LRP2: variants seen among roughly 807,000 people sequenced by gnomAD.
The protein encoded by LRP2 is low-density lipoprotein receptor-related protein 2.
LRP2 carries 172 observed loss-of-function variants against 531.0 expected under a neutral mutation model. The ratio of observed to expected loss-of-function variants is 0.32; its 90% confidence interval spans 0.29 to 0.37. The LOEUF is 0.37. LRP2 is among the 10% of genes least tolerant of loss of function. The pLI, the probability that LRP2 is intolerant of heterozygous loss-of-function variation, is 1.00. For missense variants in LRP2, 5,167 were observed against 5,868.3 expected, an observed-to-expected ratio of 0.88 and a Z score of 3.90; for synonymous variants, 1,992 against 2,027.6, an observed-to-expected ratio of 0.98 and a Z score of 0.47.
At position 169,291,024 on chromosome 2, in the gene LRP2, A is replaced by G; in HGVS notation, c.770-27T>C. The G allele has an allele frequency of 1.9e-6, 3 of 1,611,970 alleles. No homozygotes were observed. In the South Asian group the frequency reaches 3.3e-5, roughly 18 times the overall value. Reference sequence around the variant, plus strand: ...TGTGGGGGGAAAAAGAGAGAGTTACAGGCCATAGGGGAGGTACAGCCAGCT... The same window carrying G: ...TGTGGGGGGAAAAAGAGAGAGTTACGGGCCATAGGGGAGGTACAGCCAGCT... On this transcript the variant is annotated intron_variant, in intron 7 of 78. Transcript: ENST00000649046.
intron 16 of LRP2, among the ~76,000 whole-genome samples, chr2:169,268,749 C>A (rs1317222800): frequency 6.6e-6 from 1 of 152,088 alleles, no homozygotes; most frequent in Non-Finnish European, 1.5e-5. Flanking sequence ...GAAGTTCTGG[C>A]CAGGGCAATT....
chr2:169,360,921 ACCATTTGAATACATG>A (rs1441753256), intron 1 of LRP2, among the ~76,000 whole-genome samples: 1 of 152,084 alleles, frequency 6.6e-6, no homozygotes, highest in Non-Finnish European at 1.5e-5. Context: ...AAGCAGATTA[ACCATTTGAATACATG>A]CCACGGCCCA....
At chr2:169,212,325 G>A (rs1688623755) in intron 36 of LRP2, 118 bp from the exon 37 acceptor site, 14 of 1,295,130 alleles carry the variant, frequency 1.1e-5, no homozygotes, top group Middle Eastern at 4.5e-4. Context: ...CCAACATATA[G>A]TAGCTGAGTT....
At chr2:169,247,906 C>A (rs1027274625) in intron 19 of LRP2, among the ~76,000 whole-genome samples, 1 of 152,318 alleles carries the variant, frequency 6.6e-6, no homozygotes, top group Non-Finnish European at 1.5e-5. Context: ...GCAAATACTA[C>A]GCTGTGTGAA....
chr2:169,192,122 G>T, intron 47 of LRP2, 89 bp from the exon 48 acceptor site: 1 of 966,230 alleles, frequency 1.0e-6, no homozygotes, highest in Non-Finnish European at 1.5e-6. Flanking sequence ...ACCATTCTAA[G>T]TATGAAAGGA....
At chr2:169,322,794 T>A (rs1348343270) in intron 1 of LRP2, among the ~76,000 whole-genome samples, 4 of 152,110 alleles carry the variant, frequency 2.6e-5, no homozygotes, top group African/African-American at 9.7e-5. Flanking sequence ...ATAACAATCA[T>A]AAAGAACAGT....
At chr2:169,269,407 T>C (rs1017151119) in intron 16 of LRP2, among the ~76,000 whole-genome samples, 3 of 152,094 alleles carry the variant, frequency 2.0e-5, no homozygotes, top group Admixed American at 6.6e-5. Context: ...AAAACAGAGA[T>C]ATAGACCAAT....
In LRP2 at chr2:169,219,771, A is replaced by G. The variant is rs561545846; in HGVS notation, c.5648+683T>C. On this transcript the variant is annotated intron_variant, in intron 34 of 78. Transcript: ENST00000649046. ...CTATCTGGGTACAATATACCCATGT[A>G]ACAAACCTGCACATGTGCCCCCTAT... is the stretch of plus-strand genomic sequence containing the variant. 1.2e-4 allele frequency among the ~76,000 whole-genome samples: 18 copies of G among 152,250 alleles called. No homozygotes were observed. In the South Asian group the frequency reaches 3.7e-3, roughly 32 times the overall value.
chr2:169,296,853 G>A (rs1684146556), intron 4 of LRP2, among the ~76,000 whole-genome samples: 1 of 152,068 alleles, frequency 6.6e-6, no homozygotes, highest in Non-Finnish European at 1.5e-5. Flanking sequence ...CAAACAAGAA[G>A]CCCAGCTTGA....
rs778000797 is a variant in LRP2 at position 169,193,747 on chromosome 2, T to C, written c.8830+14A>G. The C allele has an allele frequency of 6.8e-6, 11 of 1,614,154 alleles. No individual in the cohort carries two copies. Among genetic ancestry groups the C allele is most frequent in the South Asian group, 4.4e-5 (4 of 91,078 alleles). The stretch of plus-strand genomic sequence containing the variant: ...GAATGTGACTCTGCAGAGGAATTAA[T>C]TGGCTTCACTTACGACACTGGTGCC... On this transcript the variant is annotated intron_variant, in intron 47 of 78. Transcript: ENST00000649046.
rs1400072611 is a variant in LRP2 at position 169,298,506 on chromosome 2, G to C, written c.428-3796C>G. Among the ~76,000 whole-genome samples, 3 of 152,086 alleles carry C rather than the reference G, an allele frequency of 2.0e-5. No individual in the cohort carries two copies. The East Asian group carries it at 5.8e-4, about 29-fold the overall frequency. ...ACATCTACCACTTATAGGCTGCAGA[G>C]TAAGTAACAGGAAGAAGCGAAAAAT... is the stretch of plus-strand genomic sequence containing the variant. On this transcript the variant is annotated intron_variant, in intron 4 of 78. Coordinates refer to ENST00000649046, the MANE Select transcript of LRP2 (RefSeq NM_004525.3).
Position 169,176,664 on chromosome 2 carries a change from T to A in LRP2, c.10394-76A>T, listed in dbSNP as rs1574099699. 19 of 1,330,626 alleles carry A rather than the reference T, an allele frequency of 1.4e-5. No homozygotes were observed. The East Asian group carries it at 4.4e-4, about 31-fold the overall frequency. 82.4% of individuals were successfully genotyped at this position (1,330,626 alleles called of 1,614,324 possible). ...AGCACAGATTAGCTGATTACACATC[T>A]TGACTTTAAACTCATCACCTCTTAG... On this transcript the variant is annotated intron_variant, in intron 53 of 78. Transcript: ENST00000649046.
rs200635534 is a variant in LRP2, at chr2:169,181,622, T to A, written c.9999-4A>T. 30 of 1,613,926 alleles carry A rather than the reference T, an allele frequency of 1.9e-5. No homozygotes were observed. The highest frequency in any genetic ancestry group is 2.5e-5 in the Non-Finnish European group (29 of 1,179,982). On this transcript the variant is annotated splice_polypyrimidine_tract_variant and splice_region_variant and intron_variant, in intron 51 of 78. Coordinates refer to ENST00000649046, the MANE Select transcript of LRP2 (RefSeq NM_004525.3). Reference sequence around the variant, plus strand: ...CCAGTCTGCCCAGTAGAGGTACCTGTCAGGGCAAACACAAAGGGTCAGTCC... The same window carrying A: ...CCAGTCTGCCCAGTAGAGGTACCTGACAGGGCAAACACAAAGGGTCAGTCC...
intron 4 of LRP2, among the ~76,000 whole-genome samples, chr2:169,300,824 C>T (rs1024496495): frequency 1.3e-5 from 2 of 151,960 alleles, no homozygotes; most frequent in African/African-American, 4.8e-5. Flanking sequence ...GGGCAAGGCT[C>T]GCTGGGCAGC....
Position 169,174,013 on chromosome 2 carries a change from A to T in LRP2, c.10920T>A (p.Phe3640Leu). 1.2e-6 allele frequency: 2 copies of T among 1,614,216 alleles called. No individual in the cohort carries two copies. ...CASRTCRPGQFRCANGRCIPQ... is the reference protein window; with the variant it reads ...CASRTCRPGQLRCANGRCIPQ... ...GGATGCAGCGGCCATTAGCACACCG[A>T]AACTGGCCCGGCCGGCAGGTCCTGC... The change falls in exon 56 of 79, where the codon TTT (phenylalanine) becomes TTA (leucine). Residue 3640 changes from phenylalanine (F) to leucine (L), a missense_variant. By Grantham distance (22) the Phe-to-Leu change is conservative. Transcript: ENST00000649046.
Position 169,238,248 on chromosome 2 carries a change from C to G in LRP2, c.4349G>C (p.Ser1450Thr). Residue 1450 changes from serine to threonine, a missense_variant, in exon 27 of 79, where the codon AGT (serine) becomes ACT (threonine). Coordinates refer to ENST00000649046, the MANE Select transcript of LRP2 (RefSeq NM_004525.3). ...VASQNKIIAD[S>T]VTSQVHNIYS... ...GATATTGTGGACCTGGGAGGTGACACTGTCGGCAATAATTTTGTTCTGACT... is the reference window on the plus strand; with the variant it reads ...GATATTGTGGACCTGGGAGGTGACAGTGTCGGCAATAATTTTGTTCTGACT... The G allele has an allele frequency of 6.2e-7, 1 of 1,614,178 alleles. No homozygotes were observed. The highest frequency in any genetic ancestry group is 1.1e-5 in the South Asian group (1 of 91,080).
chr2:169,173,725 A>G (rs564322732), intron 56 of LRP2, among the ~76,000 whole-genome samples, 194 bp downstream of exon 56: 1 of 152,374 alleles, frequency 6.6e-6, no homozygotes, highest in African/African-American at 2.4e-5. Context: ...TAGCCACTTC[A>G]GAAACAGAGT....
chr2:169,299,355 G>A (rs901939777), intron 4 of LRP2, among the ~76,000 whole-genome samples: 5 of 151,998 alleles, frequency 3.3e-5, no homozygotes, highest in African/African-American at 1.2e-4. Flanking sequence ...TACTAACTGG[G>A]TCTTAAGCCT....
chr2:169,332,782 G>A (rs888652214), intron 1 of LRP2, among the ~76,000 whole-genome samples: 10 of 151,978 alleles, frequency 6.6e-5, no homozygotes, highest in East Asian at 1.9e-4. Flanking sequence ...TTACTCTAAC[G>A]AAACCAATGC....
Sources: allele counts gnomAD v4.1 joint callset (sites outside exome capture counted in the v4.1 genomes callset), GRCh38; gene constraint gnomAD v4.1.1; transcripts MANE v1.5; gene names NCBI Gene and HGNC (gene_info 2026-07-23, HGNC 2026-07-21).